The following PHF20 variants were observed in gnomAD, a reference collection of about 807,000 sequenced individuals.
The protein encoded by PHF20 is PHD finger protein 20.
A neutral mutation model predicts 113.5 loss-of-function variants in PHF20; 23 were observed. The observed-to-expected ratio is 0.20, with a 90% CI of 0.15 to 0.29. PHF20 has a LOEUF of 0.29. PHF20 is among the 10% of genes least tolerant of loss of function. The probability of loss-of-function intolerance (pLI) is 1.00; values close to 1 mark genes in which losing one functional copy is unlikely to be tolerated. For synonymous variants in PHF20, 434 were observed against 457.3 expected (o/e 0.95, Z 0.65); for missense variants, 943 against 1,219.6 (o/e 0.77, Z 3.38).
At chr20:35,817,825 T>C (rs2042103481) in intron 2 of PHF20, among the ~76,000 whole-genome samples, 1 of 151,812 alleles carries the variant, frequency 6.6e-6, no homozygotes, top group African/African-American at 2.4e-5. Flanking sequence ...AATTATTTTT[T>C]GGCCAGGTGT....
chr20:35,851,782 G>T (rs1027407384), intron 4 of PHF20, among the ~76,000 whole-genome samples: 3 of 152,108 alleles, frequency 2.0e-5, no homozygotes, highest in African/African-American at 7.2e-5. Flanking sequence ...TGGCGTGGTA[G>T]CATGTGCCTG....
chr20:35,854,636 G>A (rs957913942), intron 4 of PHF20, among the ~76,000 whole-genome samples: 4 of 152,134 alleles, frequency 2.6e-5, no homozygotes, highest in Non-Finnish European at 5.9e-5. Flanking sequence ...TAGTCCTTTG[G>A]AAGTTAAAAG....
intron 2 of PHF20, among the ~76,000 whole-genome samples, chr20:35,813,015 CT>C (rs1324162368): frequency 6.6e-6 from 1 of 152,196 alleles, no homozygotes; most frequent in African/African-American, 2.4e-5. Context: ...GTCGCCCAGG[CT>C]GGAGCACAGT....
chr20:35,878,621 A>G, intron 9 of PHF20: 1 of 774,446 alleles, frequency 1.3e-6, no homozygotes, highest in Non-Finnish European at 2.4e-6. Flanking sequence ...GGGAAATACT[A>G]AAATGTCCCT....
At chr20:35,874,256 G>A (rs544613273) in intron 9 of PHF20, among the ~76,000 whole-genome samples, 1 of 152,296 alleles carries the variant, frequency 6.6e-6, no homozygotes, top group East Asian at 1.9e-4. Context: ...GATTATAGGC[G>A]TGAGCCACCA....
intron 10 of PHF20, among the ~76,000 whole-genome samples, chr20:35,899,934 G>T (rs561186251): frequency 5.9e-5 from 9 of 152,196 alleles, no homozygotes; most frequent in Non-Finnish European, 1.2e-4. Context: ...TTATTCAGAA[G>T]CCAGCAGGAG....
chr20:35,869,240 C>T (rs1349186942), intron 6 of PHF20, among the ~76,000 whole-genome samples, 198 bp from the exon 7 acceptor site: 1 of 152,108 alleles, frequency 6.6e-6, no homozygotes, highest in Non-Finnish European at 1.5e-5. Context: ...CAAGGTATCA[C>T]CATCTCCTGT....
At chr20:35,840,259 C>T (rs535546891) in intron 2 of PHF20, among the ~76,000 whole-genome samples, 2 of 151,998 alleles carry the variant, frequency 1.3e-5, no homozygotes, top group Admixed American at 1.3e-4. Context: ...TATTTTTAAC[C>T]GTTTATTTTT....
intron 16 of PHF20, among the ~76,000 whole-genome samples, 168 bp downstream of exon 16, chr20:35,939,276 C>G (rs1436108773): frequency 6.6e-6 from 1 of 152,014 alleles, no homozygotes; most frequent in Non-Finnish European, 1.5e-5. Context: ...CAGGAGAGCC[C>G]ACTTAAGCCA....
chr20:35,855,604 A>C (rs1301467153), intron 4 of PHF20: 4 of 152,162 alleles, frequency 2.6e-5, no homozygotes, highest in Non-Finnish European at 5.9e-5. Flanking sequence ...CATCAGGGTA[A>C]ATGGGGGTAT....
intron 9 of PHF20, among the ~76,000 whole-genome samples, chr20:35,881,869 C>T (rs1470912687): frequency 6.6e-6 from 1 of 152,210 alleles, no homozygotes; most frequent in Non-Finnish European, 1.5e-5. Flanking sequence ...CCTGCAGGGC[C>T]CAGCTTCTTC....
intron 13 of PHF20, among the ~76,000 whole-genome samples, chr20:35,925,296 G>A (rs2055606058): frequency 1.4e-5 from 2 of 141,686 alleles, no homozygotes; most frequent in South Asian, 4.4e-4. Context: ...ATCTCGCTCT[G>A]TTGCCCAGGC....
chr20:35,880,225 C>CT (rs1458012033), intron 9 of PHF20, among the ~76,000 whole-genome samples: 1 of 152,146 alleles, frequency 6.6e-6, no homozygotes, highest in Admixed American at 6.6e-5. Context: ...GAAGGCGGTA[C>CT]TTGCACGGGA....
chr20:35,780,225 T>G (rs1003903899), intron 1 of PHF20, among the ~76,000 whole-genome samples: 1 of 146,446 alleles, frequency 6.8e-6, no homozygotes, highest in Admixed American at 6.8e-5. Flanking sequence ...AGATTTCTTT[T>G]TTTTTTTTTT....
Position 35,773,890 on chromosome 20 carries a change from A to AACAAAC in PHF20, c.-33+1813_-33+1818dup, listed in dbSNP as rs2041116963. 3.3e-5 allele frequency among the ~76,000 whole-genome samples: 5 copies of AACAAAC among 152,276 alleles called. No homozygotes were observed. In the South Asian group the frequency reaches 1.0e-3, roughly 32 times the overall value. On this transcript the variant is annotated intron_variant, in intron 1 of 17. Transcript: ENST00000374012. ...TTATCTCCTTGTGCTGGAAAACAAA[A>AACAAAC]ACAAACAAAACTCTCAGATTTTTCC...
intron 15 of PHF20, among the ~76,000 whole-genome samples, chr20:35,932,194 A>G (rs2055770724): frequency 6.6e-6 from 1 of 150,894 alleles, no homozygotes; most frequent in Non-Finnish European, 1.5e-5. Flanking sequence ...CAGCCTCCCA[A>G]GTAGTTGGGA....
chr20:35,917,560 G>T lies in PHF20; in HGVS notation c.1902G>T (p.Val634=). The change falls in exon 13 of 18, where the codon GTG becomes GTT. Residue 634 remains valine, a synonymous_variant. Coordinates refer to ENST00000374012, the MANE Select transcript of PHF20 (RefSeq NM_016436.5). ...SDDEYGQDVD[V]TTNPDEELDG... ...ATGAGTATGGCCAAGATGTGGATGT[G>T]ACCACCAACCCAGATGAGGAACTTG... 6.2e-7 allele frequency: 1 copy of T among 1,614,066 alleles called. No individual in the cohort carries two copies. Among genetic ancestry groups the T allele is most frequent in the Middle Eastern group, 1.7e-4 (1 of 6,060 alleles).
intron 2 of PHF20, among the ~76,000 whole-genome samples, chr20:35,842,218 C>T (rs1031479403): frequency 3.3e-5 from 5 of 152,164 alleles, no homozygotes; most frequent in Non-Finnish European, 5.9e-5. Flanking sequence ...TGGTGGCGGG[C>T]GCTGTAATCC....
intron 17 of PHF20, among the ~76,000 whole-genome samples, chr20:35,946,741 C>G (rs528530057): frequency 6.7e-6 from 1 of 149,394 alleles, no homozygotes; most frequent in Non-Finnish European, 1.5e-5. Flanking sequence ...GATGGAGTCT[C>G]GCTTTGTCGC....
Sources: gnomAD v4.1 joint callset for allele counts (sites outside exome capture counted in the v4.1 genomes callset) on GRCh38, gnomAD v4.1.1 for gene constraint, MANE v1.5 for transcripts, NCBI Gene and HGNC (gene_info 2026-07-23, HGNC 2026-07-21) for gene names.